TENM3: variants seen among roughly 807,000 people sequenced by gnomAD.
TENM3 encodes the protein teneurin transmembrane protein 3.
In TENM3, 63 loss-of-function variants were observed where a neutral mutation model predicts 255.1. The ratio of observed to expected loss-of-function variants is 0.25; its 90% CI spans 0.20 to 0.30. The LOEUF (loss-of-function observed/expected upper bound fraction) is 0.30, where lower values mean the gene tolerates loss of function less well. Among genes scored for constraint, TENM3 ranks in the 10% least tolerant of loss-of-function variants. The pLI, the probability that TENM3 is intolerant of heterozygous loss-of-function variation, is 1.00. For missense variants in TENM3, 2,929 were observed against 3,461.1 expected (o/e 0.85, Z 3.86); for synonymous variants, 1,306 against 1,322.3 (o/e 0.99, Z 0.27).
the TENM3 span, among the ~76,000 whole-genome samples, chr4:181,671,069 C>A: frequency 4.6e-5 from 7 of 151,954 alleles, no homozygotes; most frequent in Admixed American, 2.0e-4. Flanking sequence ...AATGATCTAC[C>A]AACATGGATA....
chr4:182,779,940 A>G (rs1765031196), intron 24 of TENM3, among the ~76,000 whole-genome samples: 1 of 151,578 alleles, frequency 6.6e-6, no homozygotes, highest in Non-Finnish European at 1.5e-5. Flanking sequence ...AGTTCATTGT[A>G]GATTCTGGAT....
chr4:182,050,711 G>A, the TENM3 span, among the ~76,000 whole-genome samples: 1 of 152,078 alleles, frequency 6.6e-6, no homozygotes, highest in East Asian at 1.9e-4. Context: ...GGCTGAGGTG[G>A]GAGAATCTCT....
At chr4:181,842,523 T>A in the TENM3 span, among the ~76,000 whole-genome samples, 1 of 152,222 alleles carries the variant, frequency 6.6e-6, no homozygotes, top group African/African-American at 2.4e-5. Flanking sequence ...ACATTTTAAA[T>A]ATTTCTCTGC....
chr4:181,561,359 ATGAAAT>A, the TENM3 span, among the ~76,000 whole-genome samples: 5,272 of 152,174 alleles, frequency 0.035, 277 homozygotes, highest in Admixed American at 0.13. Flanking sequence ...TTTCTTGAGT[ATGAAAT>A]TGAAATTGAA....
In TENM3 at chr4:182,743,348, G is replaced by A. The variant is rs1164022555; in HGVS notation, c.3558G>A (p.Leu1186=). 1 of 1,614,012 alleles carries A rather than the reference G, an allele frequency of 6.2e-7. No homozygotes were observed. The highest frequency in any genetic ancestry group is 2.2e-5 in the East Asian group (1 of 44,882). The change falls in exon 19 of 28, where the codon CTG becomes CTA. Residue 1186 remains leucine (L), a synonymous_variant. Coordinates refer to ENST00000511685, the MANE Select transcript of TENM3 (RefSeq NM_001080477.4). ...TAGCTTGTGGGATCGATGGCAGTCT[G>A]TACGTAGGCGATTTCAACTATGTGC... ...VALACGIDGS[L]YVGDFNYVRR...
chr4:181,661,854 T>G, the TENM3 span, among the ~76,000 whole-genome samples: 1 of 151,636 alleles, frequency 6.6e-6, no homozygotes, highest in Admixed American at 6.6e-5. Flanking sequence ...AGAGTCCTTT[T>G]GAAAGTCCAA....
chr4:182,362,356 G>A (rs549643317), intron 3 of TENM3, among the ~76,000 whole-genome samples: 171 of 97,682 alleles, frequency 1.8e-3, no homozygotes, highest in Non-Finnish European at 2.9e-4. Context: ...GCCTCCTTGA[G>A]CTGTGGTGGG....
chr4:182,295,895 G>A (rs963333611), intron 1 of TENM3, among the ~76,000 whole-genome samples: 1 of 152,124 alleles, frequency 6.6e-6, no homozygotes, highest in Non-Finnish European at 1.5e-5. Flanking sequence ...CTGACCAGAT[G>A]GGAACAAACA....
the TENM3 span, among the ~76,000 whole-genome samples, chr4:181,725,663 C>T: frequency 6.6e-6 from 1 of 151,856 alleles, no homozygotes; most frequent in African/African-American, 2.4e-5. Context: ...AGGATGGTCT[C>T]GATTTCCTGA....
At chr4:182,578,363 A>G (rs1017742289) in intron 3 of TENM3, among the ~76,000 whole-genome samples, 1 of 152,046 alleles carries the variant, frequency 6.6e-6, no homozygotes, top group African/African-American at 2.4e-5. Context: ...TTCATTTACT[A>G]ATTTATTATG....
chr4:182,325,850 G>A (rs1458034126), intron 2 of TENM3, among the ~76,000 whole-genome samples: 1 of 152,146 alleles, frequency 6.6e-6, no homozygotes, highest in African/African-American at 2.4e-5. Flanking sequence ...TCTCCACCCC[G>A]GTTATCTCCA....
chr4:182,031,210 CA>C, the TENM3 span, among the ~76,000 whole-genome samples: 5 of 152,116 alleles, frequency 3.3e-5, no homozygotes, highest in Admixed American at 2.6e-4. Flanking sequence ...GTCTTTAATG[CA>C]TCTTGAGTTA....
intron 3 of TENM3, among the ~76,000 whole-genome samples, chr4:182,524,388 G>T (rs1738914773): frequency 9.1e-6 from 1 of 109,766 alleles, no homozygotes; most frequent in Non-Finnish European, 1.7e-5. Context: ...TTGAGTCAGA[G>T]TCTCTCTCTG....
intron 1 of TENM3, among the ~76,000 whole-genome samples, chr4:182,198,741 C>T (rs77066458): frequency 6.6e-6 from 1 of 152,102 alleles, no homozygotes; most frequent in Admixed American, 6.5e-5. Context: ...GCCTGGGCTG[C>T]AGAGAGACTG....
At chr4:181,609,002 G>T in the TENM3 span, among the ~76,000 whole-genome samples, 1 of 152,110 alleles carries the variant, frequency 6.6e-6, no homozygotes, top group African/African-American at 2.4e-5. Flanking sequence ...GGGAAGTTAC[G>T]GTTTTGCTTA....
intron 22 of TENM3, among the ~76,000 whole-genome samples, chr4:182,769,611 G>A (rs751946740): frequency 1.6e-4 from 24 of 151,344 alleles, no homozygotes; most frequent in Non-Finnish European, 7.4e-5. Flanking sequence ...GTGAAACCCC[G>A]TCTCTACTAA....
chr4:182,788,839 A>C (rs1254003234), intron 24 of TENM3, among the ~76,000 whole-genome samples: 1 of 152,140 alleles, frequency 6.6e-6, no homozygotes, highest in Non-Finnish European at 1.5e-5. Context: ...ACATTTTGGT[A>C]TTTTTCTTAT....
At chr4:181,514,115 G>C in the TENM3 span, among the ~76,000 whole-genome samples, 1 of 152,114 alleles carries the variant, frequency 6.6e-6, no homozygotes, top group Non-Finnish European at 1.5e-5. Context: ...TTAGAGTTTG[G>C]AAAACAGTAA....
At chr4:182,364,499 CT>C (rs1174032781) in intron 3 of TENM3, among the ~76,000 whole-genome samples, 2 of 152,132 alleles carry the variant, frequency 1.3e-5, no homozygotes, top group African/African-American at 4.8e-5. Context: ...TCACTGCAAG[CT>C]CCGTCTTCCG....
Sources: gnomAD v4.1 joint callset for allele counts (sites outside exome capture counted in the v4.1 genomes callset) on GRCh38, gnomAD v4.1.1 for gene constraint, MANE v1.5 for transcripts, NCBI Gene and HGNC (gene_info 2026-07-23, HGNC 2026-07-21) for gene names.